CCNJL: variants seen among roughly 807,000 people sequenced by gnomAD.
CCNJL encodes cyclin J like.
Under a neutral mutation model 33.4 loss-of-function variants are expected in CCNJL, and 33 were observed. The ratio of observed to expected loss-of-function variants is 0.99; its 90% CI spans 0.75 to 1.32. CCNJL has a LOEUF of 1.32. Among genes scored for constraint, CCNJL ranks in the 40% most tolerant of loss-of-function variants. The pLI is 0.00. For synonymous variants in CCNJL, 227 were observed against 220.9 expected, an observed-to-expected ratio of 1.03 and a Z score of -0.24; for missense variants, 512 against 499.7, an observed-to-expected ratio of 1.02 and a Z score of -0.23.
At chr5:160,319,661 T>C (rs908835400) in intron 1 of CCNJL, among the ~76,000 whole-genome samples, 17 of 152,186 alleles carry the variant, frequency 1.1e-4, no homozygotes, top group Non-Finnish European at 5.9e-5. Flanking sequence ...TCAGGCACAG[T>C]GACTCAAGTC....
intron 1 of CCNJL, among the ~76,000 whole-genome samples, chr5:160,331,459 C>T (rs964341205): frequency 2.0e-4 from 30 of 151,640 alleles, no homozygotes; most frequent in African/African-American, 6.5e-4. Context: ...CTCCTGACCT[C>T]GTGATCCGCC....
chr5:160,320,336 TC>T (rs1351391660), intron 1 of CCNJL, among the ~76,000 whole-genome samples: 1 of 152,116 alleles, frequency 6.6e-6, no homozygotes, highest in Non-Finnish European at 1.5e-5. Flanking sequence ...CCTCAGTTTC[TC>T]CTTCTGTGAA....
At chr5:160,284,897 T>C (rs1231239293) in intron 2 of CCNJL, among the ~76,000 whole-genome samples, 3 of 152,216 alleles carry the variant, frequency 2.0e-5, no homozygotes, top group Non-Finnish European at 4.4e-5. Flanking sequence ...TGCTTGGGCT[T>C]ACCAGAAAAC....
intron 3 of CCNJL, among the ~76,000 whole-genome samples, chr5:160,271,295 A>C (rs1422562107): frequency 6.6e-6 from 1 of 152,166 alleles, no homozygotes; most frequent in Non-Finnish European, 1.5e-5. Flanking sequence ...GGGGCTCCTG[A>C]ACACCGCATG....
chr5:160,315,070 C>T (rs1763363804), upstream of CCNJL, among the ~76,000 whole-genome samples: 1 of 152,150 alleles, frequency 6.6e-6, no homozygotes, highest in Non-Finnish European at 1.5e-5. Flanking sequence ...GCTTTTTCAT[C>T]ATAGTGAACC....
At chr5:160,291,036 TA>T (rs1177369719) in intron 2 of CCNJL, among the ~76,000 whole-genome samples, 10,259 of 57,562 alleles carry the variant, frequency 0.18, 479 homozygotes, top group Middle Eastern at 0.31. Context: ...CGTCTTTACT[TA>T]AAAAAAAAAA....
At chr5:160,303,706 G>C (rs545967349) in intron 2 of CCNJL, among the ~76,000 whole-genome samples, 164 of 89,054 alleles carry the variant, frequency 1.8e-3, no homozygotes, top group Non-Finnish European at 3.4e-3. Context: ...GTGTCTGTGT[G>C]TGTGTGTGTG....
chr5:160,265,431 T>C (rs1704337193), intron 3 of CCNJL, among the ~76,000 whole-genome samples: 1 of 151,902 alleles, frequency 6.6e-6, no homozygotes, highest in African/African-American at 2.4e-5. Flanking sequence ...AGGTCAGAAG[T>C]TCAAGACCAG....
chr5:160,319,402 T>C (rs1378565280), intron 1 of CCNJL, among the ~76,000 whole-genome samples: 1 of 152,228 alleles, frequency 6.6e-6, no homozygotes, highest in Non-Finnish European at 1.5e-5. Flanking sequence ...ATTTGCGGCA[T>C]GCTTAGCTTA....
chr5:160,288,603 G>A (rs534271175), intron 2 of CCNJL, among the ~76,000 whole-genome samples: 38 of 152,014 alleles, frequency 2.5e-4, no homozygotes, highest in African/African-American at 8.7e-4. Context: ...AGGTGTGGTG[G>A]CTCACGCCTG....
At chr5:160,333,726 T>C (rs1763641182) in intron 1 of CCNJL, among the ~76,000 whole-genome samples, 1 of 151,906 alleles carries the variant, frequency 6.6e-6, no homozygotes, top group East Asian at 1.9e-4. Flanking sequence ...TGGTGACCCC[T>C]GCTCCCCATC....
At chr5:160,337,221 G>C (rs2113486760) in intron 1 of CCNJL, among the ~76,000 whole-genome samples, 1 of 148,622 alleles carries the variant, frequency 6.7e-6, no homozygotes, top group South Asian at 2.2e-4. Flanking sequence ...TCACCATGTT[G>C]CCCAGGCTGG....
intron 1 of CCNJL, among the ~76,000 whole-genome samples, chr5:160,329,645 G>A (rs569795779): frequency 8.6e-5 from 13 of 152,036 alleles, no homozygotes; most frequent in African/African-American, 2.2e-4. Context: ...CACTACGCCC[G>A]GCCTCTTCTT....
At chr5:160,321,066 CTTTCTTTCTTTCTTTCTTTCT>C (rs1561812884) in intron 1 of CCNJL, among the ~76,000 whole-genome samples, 2,026 of 121,282 alleles carry the variant, frequency 0.017, 58 homozygotes, top group Middle Eastern at 0.037. Flanking sequence ...TTCTTTCTTT[CTTTCTTTCTTTCTTTCTTTCT>C]TTCCTTCTCT....
At position 160,253,802 on chromosome 5, in the gene CCNJL, A is replaced by T; in HGVS notation, c.744-4T>A. ...CTTGAGGACGTTGTCATACACTCTGAAACGAGAAGACCTGGGTGAGAACTG... is the reference window on the plus strand; with the variant it reads ...CTTGAGGACGTTGTCATACACTCTGTAACGAGAAGACCTGGGTGAGAACTG... On this transcript the variant is annotated splice_polypyrimidine_tract_variant and splice_region_variant and intron_variant, in intron 5 of 5. Transcript: ENST00000257536. 6.7e-7 allele frequency: 1 copy of T among 1,498,416 alleles called. No individual in the cohort carries two copies. The highest frequency in any genetic ancestry group is 1.3e-5 in the South Asian group (1 of 74,674). The allele number at this position is 1,498,416 out of a possible 1,614,324, so 92.8% of individuals were successfully genotyped here. A position where few individuals can be genotyped will look rare whatever the true frequency, so the allele number is the denominator to read the frequency against.
intron 3 of CCNJL, among the ~76,000 whole-genome samples, chr5:160,272,350 G>C (rs1241721561): frequency 6.6e-6 from 1 of 152,162 alleles, no homozygotes; most frequent in East Asian, 1.9e-4. Context: ...GCCTCTCCTA[G>C]AATCTCCTGA....
chr5:160,332,831 T>C (rs1338592525), intron 1 of CCNJL, among the ~76,000 whole-genome samples: 1 of 152,172 alleles, frequency 6.6e-6, no homozygotes, highest in Non-Finnish European at 1.5e-5. Context: ...ATAGACTACA[T>C]ATTTGGCTTT....
chr5:160,320,984 CTCTTTCTT>C (rs1160116772), intron 1 of CCNJL, among the ~76,000 whole-genome samples: 1 of 116,162 alleles, frequency 8.6e-6, no homozygotes. Context: ...CTCCCTCTCT[CTCTTTCTT>C]TCTTTCTCTC....
Position 160,320,891 on chromosome 5 carries a change from C to A in CCNJL, n.207-5386G>T, listed in dbSNP as rs1394080063. Among the ~76,000 whole-genome samples the A allele has an allele frequency of 2.9e-5, 4 of 137,086 alleles. No individual in the cohort carries two copies. The East Asian group carries it at 8.3e-4, about 28-fold the overall frequency. The allele number at this position is 137,086 out of a possible 152,430, so 89.9% of individuals were successfully genotyped here. On this transcript the variant is annotated intron_variant and non_coding_transcript_variant, in intron 1 of 7. Transcript: ENST00000377503. ...TTTCTCTCTTTCTTTCTTTTTCTTT[C>A]TTTCTTCCCTCCCTCCCTCTGTCCC... is the stretch of plus-strand genomic sequence containing the variant.
Sources: allele counts gnomAD v4.1 joint callset (sites outside exome capture counted in the v4.1 genomes callset), GRCh38; gene constraint gnomAD v4.1.1; transcripts MANE v1.5; gene names NCBI Gene and HGNC (gene_info 2026-07-23, HGNC 2026-07-21).